CMTR1: variants seen among roughly 807,000 people sequenced by gnomAD.
CMTR1 encodes cap-specific mRNA (nucleoside-2'-O-)-methyltransferase 1.
Under a neutral mutation model 107.0 loss-of-function variants are expected in CMTR1, and 39 were observed. That is an observed-to-expected ratio of 0.36 (90% CI 0.28 to 0.48). The LOEUF (loss-of-function observed/expected upper bound fraction) is 0.48. Among genes scored for constraint, CMTR1 ranks in the 20% least tolerant of loss-of-function variants. CMTR1 has a pLI of 0.99. For synonymous variants in CMTR1, 366 were observed against 379.5 expected (o/e 0.96, Z 0.41); for missense variants, 672 against 1,064.9 (o/e 0.63, Z 5.14).
intron 8 of CMTR1, among the ~76,000 whole-genome samples, chr6:37,455,129 G>A (rs1023999408): frequency 6.6e-6 from 1 of 150,750 alleles, no homozygotes. Flanking sequence ...TTGTTGCCCA[G>A]GCTGGAGTGC....
intron 4 of CMTR1, among the ~76,000 whole-genome samples, chr6:37,448,230 AG>A (rs1195043191): frequency 6.6e-6 from 1 of 150,382 alleles, no homozygotes; most frequent in Non-Finnish European, 1.5e-5. Flanking sequence ...AAAAAAAAAA[AG>A]AGGTCAAGTG....
intron 14 of CMTR1, 118 bp downstream of exon 14, chr6:37,471,195 TCA>T: frequency 1.2e-6 from 1 of 866,548 alleles, no homozygotes; most frequent in Non-Finnish European, 1.8e-6. Context: ...TGCTTTTTTC[TCA>T]TACTCTGCTA....
chr6:37,464,633 T>C (rs190666051), intron 13 of CMTR1, among the ~76,000 whole-genome samples: 1 of 152,288 alleles, frequency 6.6e-6, no homozygotes, highest in East Asian at 1.9e-4. Context: ...TTTTTGAGAT[T>C]CATTCATATT....
chr6:37,440,291 C>CT (rs1393348222), intron 2 of CMTR1, among the ~76,000 whole-genome samples: 1 of 152,150 alleles, frequency 6.6e-6, no homozygotes, highest in Non-Finnish European at 1.5e-5. Context: ...TTGCTAAATT[C>CT]TTTATCGGTC....
At chr6:37,425,182 TCCGC>T in the CMTR1 span, among the ~76,000 whole-genome samples, 1 of 151,458 alleles carries the variant, frequency 6.6e-6, no homozygotes. Flanking sequence ...GACTTCATGA[TCCGC>T]CCGCCTTGGC....
chr6:37,463,761 C>G (rs956291565), intron 13 of CMTR1, among the ~76,000 whole-genome samples: 2 of 152,100 alleles, frequency 1.3e-5, no homozygotes, highest in Non-Finnish European at 2.9e-5. Flanking sequence ...AGTCTTTATC[C>G]TATTCTCTCC....
At position 37,453,130 on chromosome 6, in the gene CMTR1, C is replaced by T; in HGVS notation, c.693C>T (p.Phe231=). Residue 231 remains phenylalanine, a synonymous_variant, in exon 7 of 24, where the codon TTC becomes TTT. Transcript: ENST00000373451. ...ANPYEMIRGV[F]FLNRAAMKMA... Reference sequence around the variant, plus strand: ...CCTATGAGATGATCCGAGGAGTCTTCTTTCTAAACAGGTTTGCTGACATTT... The same window carrying T: ...CCTATGAGATGATCCGAGGAGTCTTTTTTCTAAACAGGTTTGCTGACATTT... 1 of 1,614,152 alleles carries T rather than the reference C, an allele frequency of 6.2e-7. No individual in the cohort carries two copies. Among genetic ancestry groups the T allele is most frequent in the Non-Finnish European group, 8.5e-7 (1 of 1,180,024 alleles).
upstream of CMTR1, among the ~76,000 whole-genome samples, chr6:37,431,375 A>T (rs1206889796): frequency 6.6e-6 from 1 of 152,238 alleles, no homozygotes; most frequent in Non-Finnish European, 1.5e-5. Context: ...AAACTTTAGA[A>T]CATAGAGAAC....
At chr6:37,466,374 T>C (rs933965537) in intron 13 of CMTR1, among the ~76,000 whole-genome samples, 2 of 152,136 alleles carry the variant, frequency 1.3e-5, no homozygotes, top group African/African-American at 2.4e-5. Context: ...GACTTCGTGA[T>C]CCTCCTGCCT....
upstream of CMTR1, among the ~76,000 whole-genome samples, chr6:37,431,884 C>G (rs1242040352): frequency 6.6e-6 from 1 of 152,178 alleles, no homozygotes; most frequent in Non-Finnish European, 1.5e-5. Flanking sequence ...GGTGCAATCT[C>G]TGCTCACTGC....
chr6:37,481,204 C>T lies in CMTR1; in HGVS notation c.*1059C>T, dbSNP rs1761849216. ...CCGACAACACAGAGAGGAGGGGGAG[C>T]TGGGCAGTAGCTTGGGGTGGGGGTG... On this transcript the variant is annotated 3_prime_UTR_variant, in exon 24 of 24. Coordinates refer to ENST00000373451, the MANE Select transcript of CMTR1 (RefSeq NM_015050.3). 15 of 1,205,962 alleles carry T rather than the reference C, an allele frequency of 1.2e-5. No individual in the cohort carries two copies. The South Asian group carries it at 1.5e-4, about 12-fold the overall frequency. 74.7% of individuals were successfully genotyped at this position (1,205,962 alleles called of 1,614,324 possible).
At position 37,470,416 on chromosome 6, in the gene CMTR1, G is replaced by T. The variant is rs184889148; in HGVS notation, c.1506-605G>T. On this transcript the variant is annotated intron_variant, in intron 13 of 23. Transcript: ENST00000373451. ...CCGCCTCAGCCTCCCAAAGTGCTGG[G>T]ATTACAGGTGTGAGCCACCGCGCCT... Among the ~76,000 whole-genome samples, 19 of 152,106 alleles carry T rather than the reference G, an allele frequency of 1.2e-4. No individual in the cohort carries two copies. In the East Asian group the frequency reaches 3.3e-3, roughly 26 times the overall value.
At chr6:37,463,758 A>T (rs1761448121) in intron 13 of CMTR1, among the ~76,000 whole-genome samples, 1 of 152,156 alleles carries the variant, frequency 6.6e-6, no homozygotes, top group Non-Finnish European at 1.5e-5. Context: ...GGAAGTCTTT[A>T]TCCTATTCTC....
chr6:37,444,729 A>G (rs1341104664), intron 3 of CMTR1, among the ~76,000 whole-genome samples: 2 of 152,212 alleles, frequency 1.3e-5, no homozygotes, highest in Non-Finnish European at 2.9e-5. Context: ...CTTGCTTTAG[A>G]AATATTATAG....
At chr6:37,430,410 G>GTGTA (rs1554196852), upstream of CMTR1, among the ~76,000 whole-genome samples, 6 of 150,056 alleles carry the variant, frequency 4.0e-5, no homozygotes, top group Non-Finnish European at 7.4e-5. Flanking sequence ...GTGTGTGTGT[G>GTGTA]TATATATATA....
At chr6:37,455,170 C>T (rs545190801) in intron 8 of CMTR1, among the ~76,000 whole-genome samples, 10 of 152,148 alleles carry the variant, frequency 6.6e-5, no homozygotes, top group Admixed American at 3.3e-4. Context: ...CCTCAACCTC[C>T]GCCTCTCGGG....
chr6:37,476,660 A>G (rs1761744163), intron 20 of CMTR1, among the ~76,000 whole-genome samples: 1 of 152,158 alleles, frequency 6.6e-6, no homozygotes, highest in African/African-American at 2.4e-5. Flanking sequence ...GGAAAGTTCC[A>G]GGACCCTGAG....
chr6:37,472,512 A>G lies in CMTR1; in HGVS notation c.1689+25A>G, dbSNP rs200896589. Reference sequence around the variant, plus strand: ...GGTAAGACTGGTATCTGTGGTGGACATAAAAAGTTAGAGATCTGTCTCTAG... The same window carrying G: ...GGTAAGACTGGTATCTGTGGTGGACGTAAAAAGTTAGAGATCTGTCTCTAG... On this transcript the variant is annotated intron_variant, in intron 16 of 23. Transcript: ENST00000373451. The surrounding 1 kb of genome is among the most constrained non-coding windows in gnomAD (Gnocchi z 4.1). 8.3e-5 allele frequency: 133 copies of G among 1,609,122 alleles called. 1 individual carries two copies. The highest frequency in any genetic ancestry group is 1.4e-5 in the Non-Finnish European group (17 of 1,175,570).
chr6:37,478,968 A>C (rs1761800536), intron 22 of CMTR1, among the ~76,000 whole-genome samples, 179 bp from the exon 23 acceptor site: 1 of 152,192 alleles, frequency 6.6e-6, no homozygotes, highest in Non-Finnish European at 1.5e-5. Context: ...GTCATCGCGT[A>C]GTCATTCTCC....
Sources: allele counts gnomAD v4.1 joint callset (sites outside exome capture counted in the v4.1 genomes callset), GRCh38; gene constraint gnomAD v4.1.1; non-coding constraint Gnocchi (gnomAD v3.1); transcripts MANE v1.5; gene names NCBI Gene and HGNC (gene_info 2026-07-23, HGNC 2026-07-21).